Variants in PALM2AKAP2 observed in about 807,000 individuals in gnomAD.
The protein encoded by PALM2AKAP2 is PALM2-AKAP2 fusion protein.
A neutral mutation model predicts 71.5 loss-of-function variants in PALM2AKAP2; 37 were observed. That is an observed-to-expected ratio of 0.52 (90% confidence interval 0.40 to 0.68). PALM2AKAP2 has a LOEUF of 0.68. PALM2AKAP2 is among the 30% of genes least tolerant of loss of function. The pLI is 0.00. For missense variants in PALM2AKAP2, 1,224 were observed against 1,191.8 expected, an observed-to-expected ratio of 1.03 and a Z score of -0.40; for synonymous variants, 468 against 478.8, an observed-to-expected ratio of 0.98 and a Z score of 0.29.
intron 7 of PALM2AKAP2, among the ~76,000 whole-genome samples, chr9:110,039,871 A>G (rs1833481943): frequency 1.3e-5 from 2 of 152,144 alleles, no homozygotes; most frequent in Admixed American, 6.5e-5. Context: ...TTACTCATTT[A>G]TGTTATCTGT....
At chr9:109,974,424 C>T (rs1832130988) in intron 6 of PALM2AKAP2, among the ~76,000 whole-genome samples, 1 of 151,902 alleles carries the variant, frequency 6.6e-6, no homozygotes, top group African/African-American at 2.4e-5. Context: ...TTGCCTCTGC[C>T]TTACCTACAC....
intron 1 of PALM2AKAP2, among the ~76,000 whole-genome samples, chr9:109,760,165 G>A (rs910855630): frequency 1.3e-5 from 2 of 152,042 alleles, no homozygotes; most frequent in Admixed American, 6.6e-5. Flanking sequence ...AGCATTTTGT[G>A]TCTATTTTTA....
At chr9:109,655,379 A>G (rs1016497032) in intron 1 of PALM2AKAP2, among the ~76,000 whole-genome samples, 3 of 151,812 alleles carry the variant, frequency 2.0e-5, no homozygotes, top group Non-Finnish European at 4.4e-5. Context: ...TATATAGTCC[A>G]TCTTACAAAA....
chr9:109,735,863 T>C (rs1020594437), intron 1 of PALM2AKAP2, among the ~76,000 whole-genome samples: 3 of 152,188 alleles, frequency 2.0e-5, no homozygotes, highest in African/African-American at 7.2e-5. Context: ...GACTGTAACT[T>C]GGGTTTGCCT....
intron 1 of PALM2AKAP2, among the ~76,000 whole-genome samples, chr9:109,670,767 C>T (rs894665252): frequency 2.0e-5 from 3 of 152,198 alleles, no homozygotes; most frequent in African/African-American, 7.2e-5. Context: ...TTCTCCACAA[C>T]CTCACCAGCA....
chr9:109,720,457 G>C (rs1828388692), intron 1 of PALM2AKAP2, among the ~76,000 whole-genome samples: 1 of 152,206 alleles, frequency 6.6e-6, no homozygotes, highest in African/African-American at 2.4e-5. Flanking sequence ...CCTCAGAGCT[G>C]GAAGTCATGA....
intron 1 of PALM2AKAP2, among the ~76,000 whole-genome samples, chr9:109,721,571 T>C (rs1407898325): frequency 2.0e-5 from 3 of 152,250 alleles, no homozygotes; most frequent in Non-Finnish European, 4.4e-5. Context: ...GGGGCTGGTA[T>C]GTTTTGGGTT....
chr9:109,814,187 C>T (rs1047820590), intron 1 of PALM2AKAP2, among the ~76,000 whole-genome samples: 6 of 152,174 alleles, frequency 3.9e-5, no homozygotes, highest in African/African-American at 1.4e-4. Flanking sequence ...AAATGCCACA[C>T]AAAAGAAGGC....
chr9:109,958,837 C>T (rs148783277), intron 6 of PALM2AKAP2, among the ~76,000 whole-genome samples: 80 of 152,288 alleles, frequency 5.3e-4, no homozygotes, highest in African/African-American at 1.9e-3. Context: ...TACTAGTAAG[C>T]CACCCGTCAC....
chr9:110,044,008 C>T (rs987065619), upstream of PALM2AKAP2, among the ~76,000 whole-genome samples: 2 of 152,098 alleles, frequency 1.3e-5, no homozygotes, highest in African/African-American at 4.8e-5. Context: ...TGTGAGCCAC[C>T]ACATCCAGCC....
chr9:109,916,918 A>C (rs1830706202), intron 3 of PALM2AKAP2, among the ~76,000 whole-genome samples: 1 of 152,232 alleles, frequency 6.6e-6, no homozygotes. Context: ...ATGGACCCCC[A>C]GAGATGTCCA....
At chr9:109,691,943 C>CATAT (rs55748233) in intron 1 of PALM2AKAP2, among the ~76,000 whole-genome samples, 12 of 112,020 alleles carry the variant, frequency 1.1e-4, no homozygotes, top group Admixed American at 2.8e-4. Flanking sequence ...TATATATACA[C>CATAT]ATATATATAT....
At chr9:110,018,204 T>A (rs1833015807) in intron 7 of PALM2AKAP2, among the ~76,000 whole-genome samples, 2 of 152,160 alleles carry the variant, frequency 1.3e-5, no homozygotes, top group Admixed American at 1.3e-4. Flanking sequence ...TACCTGAAAA[T>A]TTCTCACAAG....
intron 1 of PALM2AKAP2, among the ~76,000 whole-genome samples, chr9:109,854,723 T>G (rs1401087578): frequency 6.7e-6 from 1 of 149,418 alleles, no homozygotes; most frequent in East Asian, 2.0e-4. Flanking sequence ...GATATAATAC[T>G]GAACATGCTA....
At chr9:110,017,065 G>A (rs752813910) in intron 7 of PALM2AKAP2, among the ~76,000 whole-genome samples, 8 of 152,146 alleles carry the variant, frequency 5.3e-5, no homozygotes, top group Non-Finnish European at 8.8e-5. Flanking sequence ...ATTTTTAGTA[G>A]AGACGGGGTT....
At chr9:109,713,425 T>G (rs549049023) in intron 1 of PALM2AKAP2, among the ~76,000 whole-genome samples, 48 of 152,336 alleles carry the variant, frequency 3.2e-4, no homozygotes, top group Admixed American at 2.0e-3. Context: ...AATTTAAATA[T>G]AAATCTATCT....
chr9:110,003,514 A>G (rs1044565556), intron 6 of PALM2AKAP2, among the ~76,000 whole-genome samples: 6 of 152,088 alleles, frequency 3.9e-5, no homozygotes, highest in Non-Finnish European at 7.4e-5. Flanking sequence ...CTCTTGATTT[A>G]GGGTGGAGAG....
intron 6 of PALM2AKAP2, among the ~76,000 whole-genome samples, chr9:109,937,296 G>A (rs1831245045): frequency 6.6e-6 from 1 of 152,034 alleles, no homozygotes; most frequent in Non-Finnish European, 1.5e-5. Context: ...CTCCACACCT[G>A]GGTGTTTTCA....
intron 1 of PALM2AKAP2, among the ~76,000 whole-genome samples, chr9:109,757,153 A>G (rs1423280812): frequency 1.3e-5 from 2 of 152,234 alleles, no homozygotes; most frequent in African/African-American, 4.8e-5. Context: ...AGTAACCATC[A>G]TTCTAATCTC....
Sources: allele counts gnomAD v4.1 joint callset (sites outside exome capture counted in the v4.1 genomes callset), GRCh38; gene constraint gnomAD v4.1.1; transcripts MANE v1.5; gene names NCBI Gene and HGNC (gene_info 2026-07-23, HGNC 2026-07-21).